The following COL25A1 variants were observed in gnomAD, a reference collection of about 807,000 sequenced individuals.
COL25A1 encodes the protein collagen alpha-1(XXV) chain.
Under a neutral mutation model 128.4 loss-of-function variants are expected in COL25A1, and 103 were observed. That is an observed-to-expected ratio of 0.80 (90% CI 0.68 to 0.94). COL25A1 has a LOEUF of 0.94. Among genes scored for constraint, COL25A1 ranks in the 40% least tolerant of loss-of-function variants. The pLI is 0.00. For missense variants in COL25A1, 745 were observed against 840.0 expected (o/e 0.89, Z 1.40); for synonymous variants, 279 against 277.2 (o/e 1.01, Z -0.06).
chr4:108,881,557 G>A (rs920744722), intron 19 of COL25A1, among the ~76,000 whole-genome samples: 1 of 152,064 alleles, frequency 6.6e-6, no homozygotes, highest in Non-Finnish European at 1.5e-5. Flanking sequence ...CATATATGGT[G>A]GTTTCATCTT....
intron 3 of COL25A1, among the ~76,000 whole-genome samples, chr4:109,293,746 C>G (rs1724696869): frequency 6.6e-6 from 1 of 152,056 alleles, no homozygotes; most frequent in East Asian, 1.9e-4. Context: ...GACTAAATAA[C>G]ACAATATGAA....
chr4:109,238,119 C>T (rs1413348484), intron 3 of COL25A1, among the ~76,000 whole-genome samples: 4 of 151,946 alleles, frequency 2.6e-5, no homozygotes, highest in Non-Finnish European at 2.9e-5. Context: ...TTGCTGTGAA[C>T]GTGGGTATAC....
intron 3 of COL25A1, among the ~76,000 whole-genome samples, chr4:109,173,628 A>G (rs936446127): frequency 2.6e-5 from 4 of 152,210 alleles, no homozygotes; most frequent in Non-Finnish European, 5.9e-5. Flanking sequence ...TGGCAATAAT[A>G]CTAGTGTAAA....
At chr4:109,230,634 A>G (rs1779103266) in intron 3 of COL25A1, among the ~76,000 whole-genome samples, 2 of 152,326 alleles carry the variant, frequency 1.3e-5, no homozygotes, top group South Asian at 4.1e-4. Flanking sequence ...ATCTATGCCA[A>G]TGTCAGAATG....
intron 37 of COL25A1, among the ~76,000 whole-genome samples, chr4:108,816,769 A>T (rs1202349935): frequency 1.3e-5 from 2 of 152,154 alleles, no homozygotes; most frequent in Admixed American, 1.3e-4. Context: ...AAATGAAATG[A>T]TATTCTCTAT....
intron 3 of COL25A1, among the ~76,000 whole-genome samples, chr4:109,092,556 G>A (rs909157918): frequency 2.0e-5 from 3 of 152,106 alleles, no homozygotes; most frequent in Admixed American, 2.0e-4. Context: ...AACTTCCTCT[G>A]GGGCAACGCT....
intron 30 of COL25A1, among the ~76,000 whole-genome samples, chr4:108,841,953 G>A (rs1734508693): frequency 6.6e-6 from 1 of 152,274 alleles, no homozygotes; most frequent in Non-Finnish European, 1.5e-5. Context: ...TAATACCTTT[G>A]AGGAGGGAGA....
intron 33 of COL25A1, among the ~76,000 whole-genome samples, chr4:108,826,070 A>T (rs1732344662): frequency 6.6e-6 from 1 of 152,106 alleles, no homozygotes; most frequent in Non-Finnish European, 1.5e-5. Flanking sequence ...ATCATGGTTT[A>T]TGTTTATTAT....
intron 5 of COL25A1, among the ~76,000 whole-genome samples, chr4:109,042,187 A>G (rs1163345687): frequency 6.6e-6 from 1 of 152,106 alleles, no homozygotes; most frequent in Non-Finnish European, 1.5e-5. Context: ...TACAGAAACT[A>G]TAGCAGAGGA....
At chr4:109,263,944 C>A (rs78573966) in intron 3 of COL25A1, among the ~76,000 whole-genome samples, 1 of 152,124 alleles carries the variant, frequency 6.6e-6, no homozygotes, top group Non-Finnish European at 1.5e-5. Flanking sequence ...TCTTGGCATA[C>A]GATGGTGAGC....
Position 108,811,357 on chromosome 4 carries a change from T to C in COL25A1, c.*2570A>G, listed in dbSNP as rs1730775686. The C allele has an allele frequency of 6.6e-6, 1 of 152,094 alleles. No individual in the cohort carries two copies. The highest frequency in any genetic ancestry group is 6.6e-5 in the Admixed American group (1 of 15,260). 9.4% of individuals were successfully genotyped at this position (152,094 alleles called of 1,614,324 possible). A position where few individuals can be genotyped will look rare whatever the true frequency, so the allele number is the denominator to read the frequency against. ...CATGAAATAAGTTGATGTTGTCAAA[T>C]CAGTTATAGAGCAAAAACTCAATAT... On this transcript the variant is annotated 3_prime_UTR_variant, in exon 38 of 38. Coordinates refer to ENST00000399132, the MANE Select transcript of COL25A1 (RefSeq NM_198721.4).
At chr4:109,210,172 G>A (rs535638518) in intron 3 of COL25A1, among the ~76,000 whole-genome samples, 7 of 113,014 alleles carry the variant, frequency 6.2e-5, no homozygotes, top group South Asian at 5.2e-4. Flanking sequence ...ATAAAGGAGC[G>A]AAGCCTCAAA....
At chr4:109,093,468 A>AAAAAAC (rs796748288) in intron 3 of COL25A1, among the ~76,000 whole-genome samples, 1 of 151,278 alleles carries the variant, frequency 6.6e-6, no homozygotes, top group Non-Finnish European at 1.5e-5. Flanking sequence ...AAAAAAAAAA[A>AAAAAAC]AAAAAAAACC....
chr4:108,954,631 A>T (rs1172282558), intron 8 of COL25A1, among the ~76,000 whole-genome samples: 1 of 152,062 alleles, frequency 6.6e-6, no homozygotes, highest in Non-Finnish European at 1.5e-5. Context: ...GAATAGGAAC[A>T]ATTCTTTCTT....
At chr4:108,988,772 A>T (rs2126009274) in intron 6 of COL25A1, among the ~76,000 whole-genome samples, 1 of 152,342 alleles carries the variant, frequency 6.6e-6, no homozygotes, top group Non-Finnish European at 1.5e-5. Flanking sequence ...AAACCCAGTA[A>T]CATTTCACAT....
At chr4:108,918,459 A>C (rs769162950) in intron 12 of COL25A1, among the ~76,000 whole-genome samples, 2 of 152,200 alleles carry the variant, frequency 1.3e-5, no homozygotes, top group Non-Finnish European at 2.9e-5. Flanking sequence ...TTTTAAAGAA[A>C]TTTACATGAT....
At chr4:109,072,148 A>T (rs2125984018) in intron 3 of COL25A1, among the ~76,000 whole-genome samples, 1 of 152,296 alleles carries the variant, frequency 6.6e-6, no homozygotes, top group East Asian at 1.9e-4. Flanking sequence ...GTGGAAATTG[A>T]CATATACTGC....
At position 108,904,900 on chromosome 4, in the gene COL25A1, C is replaced by T. The variant is rs553748293; in HGVS notation, c.781-3728G>A. Among the ~76,000 whole-genome samples the T allele has an allele frequency of 1.6e-3, 171 of 104,934 alleles. 1 individual carries two copies. The highest frequency in any genetic ancestry group is 4.0e-3 in the African/African-American group (139 of 34,578). 68.8% of individuals were successfully genotyped at this position (104,934 alleles called of 152,430 possible). ...ACTGACTTTTAAGAAGGATGGCTTGCTGCTTTCATTTTTTTTTTAAAAAAA... is the reference window on the plus strand; with the variant it reads ...ACTGACTTTTAAGAAGGATGGCTTGTTGCTTTCATTTTTTTTTTAAAAAAA... On this transcript the variant is annotated intron_variant, in intron 13 of 37. Transcript: ENST00000399132.
chr4:109,087,904 A>C (rs1764555520), intron 3 of COL25A1, among the ~76,000 whole-genome samples: 1 of 152,048 alleles, frequency 6.6e-6, no homozygotes, highest in Non-Finnish European at 1.5e-5. Flanking sequence ...TCTATATACT[A>C]TTCATATCAT....
Sources: gnomAD v4.1 joint callset for allele counts (sites outside exome capture counted in the v4.1 genomes callset) on GRCh38, gnomAD v4.1.1 for gene constraint, MANE v1.5 for transcripts, NCBI Gene and HGNC (gene_info 2026-07-23, HGNC 2026-07-21) for gene names.